CNTLN: variants seen among roughly 807,000 people sequenced by gnomAD.
CNTLN encodes the protein centlein, centrosomal protein.
CNTLN carries 212 observed loss-of-function variants against 180.0 expected under a neutral mutation model. The ratio of observed to expected loss-of-function variants is 1.18; its 90% CI spans 1.05 to 1.32. CNTLN has a LOEUF of 1.32. CNTLN is among the 40% of genes most tolerant of loss of function. CNTLN has a pLI of 0.00. For synonymous variants in CNTLN, 722 were observed against 563.1 expected (o/e 1.28, Z -3.99); for missense variants, 2,095 against 1,610.9 (o/e 1.30, Z -5.14).
rs773452151 is a variant in CNTLN at position 17,332,637 on chromosome 9, C to T, written c.1551C>T (p.Ser517=). 1.3e-5 allele frequency: 21 copies of T among 1,607,204 alleles called. No homozygotes were observed. Among genetic ancestry groups the T allele is most frequent in the Non-Finnish European group, 1.5e-5 (18 of 1,177,162 alleles). ...CTGTGAAACGTTCAAGGTCTTTGTC[C>T]CCAAAGAGCTCTTTCACAGACTCAG... ...EPPVKRSRSL[S]PKSSFTDSEE... Residue 517 remains serine (S), a synonymous_variant, in exon 10 of 26, where the codon TCC becomes TCT. Coordinates refer to ENST00000380647, the MANE Select transcript of CNTLN (RefSeq NM_017738.4).
chr9:17,213,918 T>C (rs1289824623), intron 2 of CNTLN, among the ~76,000 whole-genome samples: 2 of 152,216 alleles, frequency 1.3e-5, no homozygotes, highest in East Asian at 3.8e-4. Flanking sequence ...TAGATCTTCC[T>C]CCTTCCCTTT....
chr9:17,412,147 G>A (rs1394805287), intron 16 of CNTLN, among the ~76,000 whole-genome samples: 3 of 151,816 alleles, frequency 2.0e-5, no homozygotes, highest in Admixed American at 1.3e-4. Flanking sequence ...TCCCCAAGCA[G>A]TAATAAGGTG....
chr9:17,148,893 A>G (rs1028433709), intron 2 of CNTLN, among the ~76,000 whole-genome samples: 5 of 152,156 alleles, frequency 3.3e-5, no homozygotes, highest in Admixed American at 6.5e-5. Context: ...GTAGGTATAC[A>G]TGTGCCCTAG....
intron 6 of CNTLN, among the ~76,000 whole-genome samples, chr9:17,296,917 C>T (rs974351560): frequency 6.6e-6 from 1 of 152,178 alleles, no homozygotes; most frequent in African/African-American, 2.4e-5. Flanking sequence ...ACAACTGTCT[C>T]CGTATCTCTT....
At position 17,464,537 on chromosome 9, in the gene CNTLN, T is replaced by C; in HGVS notation, c.3445T>C (p.Leu1149=). 9 of 1,531,198 alleles carry C rather than the reference T, an allele frequency of 5.9e-6. No individual in the cohort carries two copies. The highest frequency in any genetic ancestry group is 7.0e-6 in the Non-Finnish European group (8 of 1,147,846). 94.9% of individuals were successfully genotyped at this position (1,531,198 alleles called of 1,614,324 possible). The part of the protein sequence containing the change: ...MERDITMKRH[L]IEDLKFRQKV... ...GAGGGATATAACTATGAAAAGACAT[T>C]TGATAGAGGACTTGAAATTTCGACA... Residue 1149 remains leucine (L), a synonymous_variant, in exon 21 of 26, where the codon TTG becomes CTG. Coordinates refer to ENST00000380647, the MANE Select transcript of CNTLN (RefSeq NM_017738.4).
intron 18 of CNTLN, among the ~76,000 whole-genome samples, chr9:17,416,478 A>G (rs1344605389): frequency 6.6e-6 from 1 of 152,086 alleles, no homozygotes; most frequent in African/African-American, 2.4e-5. Context: ...CATATTCTGT[A>G]TTGTGTTACA....
chr9:17,404,268 T>A (rs1031627848), intron 15 of CNTLN, among the ~76,000 whole-genome samples: 1 of 151,770 alleles, frequency 6.6e-6, no homozygotes, highest in African/African-American at 2.4e-5. Flanking sequence ...GAGTTTATTA[T>A]TTTATCTCCA....
rs1011937376 is a variant in CNTLN at position 17,359,609 on chromosome 9, C to T, written c.1887-7008C>T. Among the ~76,000 whole-genome samples the T allele has an allele frequency of 2.7e-5, 4 of 149,930 alleles. 1 individual carries two copies. The highest frequency in any genetic ancestry group is 1.3e-4 in the Admixed American group (2 of 14,936). ...CATAAGAGGACATCCAGGCCGAGTG[C>T]GGTGGCTCACGCCTGTAATCCCAGC... On this transcript the variant is annotated intron_variant, in intron 12 of 25. Transcript: ENST00000380647.
intron 2 of CNTLN, among the ~76,000 whole-genome samples, chr9:17,217,570 C>A (rs887905353): frequency 6.6e-6 from 1 of 152,210 alleles, no homozygotes; most frequent in Non-Finnish European, 1.5e-5. Flanking sequence ...TCCTTGGGGG[C>A]AACCCTGGTG....
chr9:17,225,755 A>C (rs1430487092), intron 2 of CNTLN, among the ~76,000 whole-genome samples: 1 of 152,060 alleles, frequency 6.6e-6, no homozygotes, highest in African/African-American at 2.4e-5. Context: ...CAGAGACTAG[A>C]AATGTATAGG....
At chr9:17,299,360 G>C in intron 7 of CNTLN, 1 of 554,836 alleles carries the variant, frequency 1.8e-6, no homozygotes, top group Non-Finnish European at 2.3e-6. Flanking sequence ...TTTAATGATA[G>C]TAGTTGAGGC....
At chr9:17,378,901 C>G (rs991153237) in intron 13 of CNTLN, among the ~76,000 whole-genome samples, 3 of 152,134 alleles carry the variant, frequency 2.0e-5, no homozygotes, top group Non-Finnish European at 4.4e-5. Context: ...CTGGTGTTAT[C>G]TTCTTTCTGC....
intron 23 of CNTLN, among the ~76,000 whole-genome samples, chr9:17,475,997 G>T (rs1309798156): frequency 6.6e-6 from 1 of 151,870 alleles, no homozygotes; most frequent in Non-Finnish European, 1.5e-5. Context: ...AAGATTTGTG[G>T]CAGCTTTACC....
the CNTLN span, among the ~76,000 whole-genome samples, chr9:17,525,291 A>C: frequency 6.6e-6 from 1 of 152,354 alleles, no homozygotes; most frequent in African/African-American, 2.4e-5. Flanking sequence ...TATTAAGTAC[A>C]TATAAACAGT....
intron 2 of CNTLN, among the ~76,000 whole-genome samples, chr9:17,198,478 G>T (rs1163047610): frequency 7.3e-6 from 1 of 137,370 alleles, no homozygotes; most frequent in Non-Finnish European, 1.5e-5. Flanking sequence ...TTGGTTAAGT[G>T]AATTCCTAGG....
intron 18 of CNTLN, among the ~76,000 whole-genome samples, chr9:17,420,613 C>T (rs1298585878): frequency 1.3e-5 from 2 of 151,026 alleles, no homozygotes; most frequent in African/African-American, 4.9e-5. Flanking sequence ...TTGGTTTGCT[C>T]TAGTTTTTCT....
chr9:17,400,946 C>G (rs932471344), intron 15 of CNTLN, among the ~76,000 whole-genome samples: 15 of 152,054 alleles, frequency 9.9e-5, no homozygotes, highest in African/African-American at 3.1e-4. Context: ...ACATAAAAAT[C>G]TTTATGATTG....
intron 16 of CNTLN, among the ~76,000 whole-genome samples, chr9:17,410,127 G>A (rs977713884): frequency 5.3e-5 from 8 of 152,098 alleles, no homozygotes; most frequent in Admixed American, 2.0e-4. Flanking sequence ...CCAGAATAAA[G>A]TTCAGACCAA....
intron 24 of CNTLN, among the ~76,000 whole-genome samples, chr9:17,486,623 A>T (rs1021944994): frequency 2.0e-5 from 3 of 152,088 alleles, no homozygotes; most frequent in Non-Finnish European, 4.4e-5. Flanking sequence ...ATTTTGGAAT[A>T]TTAGGTTTTG....
Sources: allele counts gnomAD v4.1 joint callset (sites outside exome capture counted in the v4.1 genomes callset), GRCh38; gene constraint gnomAD v4.1.1; transcripts MANE v1.5; gene names NCBI Gene and HGNC (gene_info 2026-07-23, HGNC 2026-07-21).